The following AGBL1 variants were observed in gnomAD, a reference collection of about 807,000 sequenced individuals.
AGBL1 encodes cytosolic carboxypeptidase 4.
AGBL1 carries 130 observed loss-of-function variants against 118.9 expected under a neutral mutation model. The observed-to-expected ratio is 1.09, with a 90% confidence interval of 0.95 to 1.26. AGBL1 has a LOEUF of 1.26. Among genes scored for constraint, AGBL1 ranks in the 50% most tolerant of loss-of-function variants. The pLI is 0.00. For missense variants in AGBL1, 1,584 were observed against 1,298.1 expected, an observed-to-expected ratio of 1.22 and a Z score of -3.38; for synonymous variants, 555 against 478.9, an observed-to-expected ratio of 1.16 and a Z score of -2.08.
intron 22 of AGBL1, among the ~76,000 whole-genome samples, chr15:86,781,077 AC>A (rs1018328301): frequency 6.6e-6 from 1 of 151,992 alleles, no homozygotes; most frequent in African/African-American, 2.4e-5. Context: ...TGTAAATAGC[AC>A]CCTTTAAAAT....
intron 5 of AGBL1, among the ~76,000 whole-genome samples, chr15:86,176,089 C>G (rs919922543): frequency 1.3e-5 from 2 of 152,134 alleles, no homozygotes; most frequent in Non-Finnish European, 2.9e-5. Context: ...GTGTTGAATT[C>G]CCCAACTATT....
intron 18 of AGBL1, among the ~76,000 whole-genome samples, chr15:86,479,932 G>C (rs1422453231): frequency 6.6e-6 from 1 of 152,164 alleles, no homozygotes; most frequent in African/African-American, 2.4e-5. Flanking sequence ...CATATCCTTT[G>C]TAGGGACATG....
intron 18 of AGBL1, among the ~76,000 whole-genome samples, chr15:86,425,188 C>A (rs1289863356): frequency 6.6e-6 from 1 of 152,194 alleles, no homozygotes; most frequent in Non-Finnish European, 1.5e-5. Context: ...GGCAGATATA[C>A]ACCATGGAAT....
chr15:86,996,052 G>A (rs2081377439), intron 24 of AGBL1, among the ~76,000 whole-genome samples: 1 of 152,030 alleles, frequency 6.6e-6, no homozygotes, highest in Admixed American at 6.6e-5. Context: ...GTTCCCATCA[G>A]CTTTGCATTT....
At chr15:86,964,017 C>CTCTT (rs989987774) in intron 23 of AGBL1, among the ~76,000 whole-genome samples, 6 of 140,770 alleles carry the variant, frequency 4.3e-5, no homozygotes, top group African/African-American at 1.4e-4. Flanking sequence ...AACTCTCTCT[C>CTCTT]TCTCTCTCTC....
intron 22 of AGBL1, among the ~76,000 whole-genome samples, chr15:86,857,527 C>G (rs1163718455): frequency 6.6e-6 from 1 of 152,222 alleles, no homozygotes; most frequent in African/African-American, 2.4e-5. Context: ...CTTCGCCCCA[C>G]CTGCCTCTAC....
chr15:86,941,435 A>G (rs2080750242), intron 23 of AGBL1, among the ~76,000 whole-genome samples: 1 of 152,222 alleles, frequency 6.6e-6, no homozygotes, highest in African/African-American at 2.4e-5. Context: ...AGAACATAGA[A>G]ATAGTAAACA....
chr15:86,806,079 G>C (rs945987345), intron 22 of AGBL1, among the ~76,000 whole-genome samples: 9 of 152,110 alleles, frequency 5.9e-5, no homozygotes, highest in African/African-American at 2.2e-4. Context: ...GGCTTGCTGG[G>C]GATTGGAGAC....
At chr15:86,189,290 A>G (rs767914645) in intron 5 of AGBL1, among the ~76,000 whole-genome samples, 3 of 152,218 alleles carry the variant, frequency 2.0e-5, no homozygotes, top group Admixed American at 6.5e-5. Flanking sequence ...GGACAGGCCC[A>G]AGCTGGTCTG....
At chr15:86,253,754 A>G (rs1597628538) in intron 7 of AGBL1, among the ~76,000 whole-genome samples, 1 of 152,236 alleles carries the variant, frequency 6.6e-6, no homozygotes, top group African/African-American at 2.4e-5. Context: ...AGTAAAATAC[A>G]TGCAACCAAA....
At chr15:86,590,724 C>T (rs778523162) in intron 21 of AGBL1, among the ~76,000 whole-genome samples, 1 of 152,100 alleles carries the variant, frequency 6.6e-6, no homozygotes, top group Non-Finnish European at 1.5e-5. Context: ...TGGATCCAGA[C>T]AAGGGAGAAG....
chr15:86,418,012 A>T (rs2081722536), intron 18 of AGBL1, among the ~76,000 whole-genome samples: 1 of 152,190 alleles, frequency 6.6e-6, no homozygotes, highest in East Asian at 1.9e-4. Flanking sequence ...GTTGATCTAG[A>T]TGGATCAAGT....
At chr15:86,567,961 C>T (rs1339538584) in intron 21 of AGBL1, among the ~76,000 whole-genome samples, 1 of 152,052 alleles carries the variant, frequency 6.6e-6, no homozygotes, top group Non-Finnish European at 1.5e-5. Flanking sequence ...GGTTTTGAGA[C>T]AAGTTTTTGT....
intron 18 of AGBL1, among the ~76,000 whole-genome samples, chr15:86,505,489 T>C (rs2082965375): frequency 6.6e-6 from 1 of 151,992 alleles, no homozygotes; most frequent in Non-Finnish European, 1.5e-5. Context: ...TTCTTGAAAG[T>C]GGATAACCCC....
At chr15:86,294,694 T>C (rs1414897105) in intron 16 of AGBL1, among the ~76,000 whole-genome samples, 3 of 149,570 alleles carry the variant, frequency 2.0e-5, no homozygotes, top group Non-Finnish European at 3.0e-5. Flanking sequence ...GATAACCACA[T>C]TTTTTTTTAA....
At chr15:86,708,745 C>T (rs566332315) in intron 22 of AGBL1, among the ~76,000 whole-genome samples, 84 of 151,954 alleles carry the variant, frequency 5.5e-4, no homozygotes, top group Admixed American at 1.6e-3. Flanking sequence ...GAGCCTTGCT[C>T]TATTTTATAA....
chr15:86,081,909 T>A (rs973622067), intron 1 of AGBL1, among the ~76,000 whole-genome samples: 1 of 152,198 alleles, frequency 6.6e-6, no homozygotes, highest in African/African-American at 2.4e-5. Flanking sequence ...AATTGATAAT[T>A]GATGTTTAGC....
intron 22 of AGBL1, among the ~76,000 whole-genome samples, chr15:86,896,255 G>C (rs2080124392): frequency 6.6e-6 from 1 of 151,884 alleles, no homozygotes; most frequent in Admixed American, 6.6e-5. Flanking sequence ...GTGAGTGTCT[G>C]CTTTTGCTGC....
intron 8 of AGBL1, among the ~76,000 whole-genome samples, chr15:86,257,486 C>A (rs184745697): frequency 3.3e-5 from 5 of 152,244 alleles, no homozygotes; most frequent in Admixed American, 1.3e-4. Flanking sequence ...GATCCTAGTA[C>A]GAACAGATTT....
Sources: gnomAD v4.1 joint callset for allele counts (sites outside exome capture counted in the v4.1 genomes callset) on GRCh38, gnomAD v4.1.1 for gene constraint, MANE v1.5 for transcripts, NCBI Gene and HGNC (gene_info 2026-07-23, HGNC 2026-07-21) for gene names.